The following SDCCAG8 variants were observed in gnomAD, a reference collection of about 807,000 sequenced individuals.
SDCCAG8 encodes serologically defined colon cancer antigen 8.
Under a neutral mutation model 101.8 loss-of-function variants are expected in SDCCAG8, and 74 were observed. The observed-to-expected ratio is 0.73, with a 90% confidence interval of 0.60 to 0.88. The LOEUF is 0.88. Among genes scored for constraint, SDCCAG8 ranks in the 40% least tolerant of loss-of-function variants. The probability of loss-of-function intolerance (pLI) is 0.00; values close to 1 mark genes in which losing one functional copy is unlikely to be tolerated. For missense variants in SDCCAG8, 787 were observed against 822.6 expected, an observed-to-expected ratio of 0.96 and a Z score of 0.53; for synonymous variants, 281 against 292.9, an observed-to-expected ratio of 0.96 and a Z score of 0.41.
At chr1:243,435,159 T>C (rs573230740) in intron 16 of SDCCAG8, among the ~76,000 whole-genome samples, 1 of 152,342 alleles carries the variant, frequency 6.6e-6, no homozygotes, top group African/African-American at 2.4e-5. Flanking sequence ...TAGTCCTTTG[T>C]TTTTAAGACC....
intron 2 of SDCCAG8, 29 bp from the exon 3 acceptor site, chr1:243,270,949 T>C: frequency 1.3e-6 from 2 of 1,536,662 alleles, no homozygotes; most frequent in Non-Finnish European, 1.8e-6. Context: ...TCAAATAAGG[T>C]TAATAAACCC....
At chr1:243,299,744 C>A (rs540167982) in intron 6 of SDCCAG8, among the ~76,000 whole-genome samples, 95 of 151,644 alleles carry the variant, frequency 6.3e-4, no homozygotes, top group African/African-American at 2.2e-3. Flanking sequence ...GTATCTAGAC[C>A]ACTGACATTT....
At chr1:243,298,205 T>A (rs887727852) in intron 6 of SDCCAG8, among the ~76,000 whole-genome samples, 2 of 152,030 alleles carry the variant, frequency 1.3e-5, no homozygotes, top group South Asian at 2.1e-4. Context: ...CATGCCACCA[T>A]GCCCAGCTAA....
At chr1:243,495,360 C>T (rs1377311295) in intron 17 of SDCCAG8, among the ~76,000 whole-genome samples, 1 of 152,326 alleles carries the variant, frequency 6.6e-6, no homozygotes, top group African/African-American at 2.4e-5. Flanking sequence ...CTGGTTTCTG[C>T]GGCCCTGTTC....
intron 12 of SDCCAG8, among the ~76,000 whole-genome samples, chr1:243,368,558 A>T (rs1428445914): frequency 1.3e-5 from 2 of 152,188 alleles, no homozygotes; most frequent in Non-Finnish European, 2.9e-5. Context: ...CTTGTGATAC[A>T]GCTCTGAACA....
chr1:243,435,691 C>T (rs12049124), intron 16 of SDCCAG8, among the ~76,000 whole-genome samples: 33,368 of 151,884 alleles, frequency 0.22, 4,313 homozygotes, highest in African/African-American at 0.36. Flanking sequence ...TTTTGGACCA[C>T]GACTTGGGAT....
chr1:243,328,570 C>G (rs2074378284), intron 9 of SDCCAG8, among the ~76,000 whole-genome samples: 2 of 151,778 alleles, frequency 1.3e-5, no homozygotes, highest in Non-Finnish European at 2.9e-5. Flanking sequence ...AGCCACCACG[C>G]CCAGCCAATA....
intron 16 of SDCCAG8, among the ~76,000 whole-genome samples, chr1:243,444,573 T>C (rs1419757951): frequency 1.3e-5 from 2 of 152,130 alleles, no homozygotes; most frequent in Admixed American, 1.3e-4. Flanking sequence ...GGTTTCACCA[T>C]GTTGCCCAGG....
chr1:243,486,444 G>A (rs1051364768), intron 16 of SDCCAG8, among the ~76,000 whole-genome samples: 8 of 152,078 alleles, frequency 5.3e-5, no homozygotes, highest in Non-Finnish European at 1.0e-4. Context: ...TTGATTCAGC[G>A]GGGTCTGGGT....
intron 1 of SDCCAG8, 28 bp downstream of exon 1, chr1:243,256,268 G>A (rs1038413341): frequency 5.0e-6 from 8 of 1,601,484 alleles, no homozygotes; most frequent in African/African-American, 1.3e-5. Flanking sequence ...TCTGTCCCTA[G>A]CCCCGAGGTG....
rs967081852 is a variant in SDCCAG8, at chr1:243,438,020, T to A, written c.1985+11462T>A. Among the ~76,000 whole-genome samples the A allele has an allele frequency of 2.6e-5, 4 of 152,308 alleles. No individual in the cohort carries two copies. The East Asian group carries it at 7.7e-4, about 29-fold the overall frequency. Reference sequence around the variant, plus strand: ...CAGTGGGCCTTTTTCCTGAGAAGGTTTCTTGCCCCTCCCCCGGGAGCTTGA... The same window carrying A: ...CAGTGGGCCTTTTTCCTGAGAAGGTATCTTGCCCCTCCCCCGGGAGCTTGA... On this transcript the variant is annotated intron_variant, in intron 16 of 17. Transcript: ENST00000366541.
chr1:243,483,674 C>G (rs1664233018), intron 16 of SDCCAG8, among the ~76,000 whole-genome samples: 1 of 152,208 alleles, frequency 6.6e-6, no homozygotes, highest in Non-Finnish European at 1.5e-5. Flanking sequence ...GCAGGGCGCT[C>G]CGCCACCAGG....
chr1:243,457,237 G>A (rs749812950), intron 16 of SDCCAG8, among the ~76,000 whole-genome samples: 6 of 152,058 alleles, frequency 3.9e-5, no homozygotes, highest in Non-Finnish European at 8.8e-5. Flanking sequence ...TGTCTATTCT[G>A]TTGATCCTGA....
Position 243,271,067 on chromosome 1 carries a change from A to G in SDCCAG8, c.306+4A>G, listed in dbSNP as rs2068042815. 2 of 1,592,054 alleles carry G rather than the reference A, an allele frequency of 1.3e-6. No individual in the cohort carries two copies. Among genetic ancestry groups the G allele is most frequent in the East Asian group, 2.2e-5 (1 of 44,716 alleles). On this transcript the variant is annotated splice_donor_region_variant and intron_variant, in intron 3 of 17. Transcript: ENST00000366541. ...AAGAAGAAAAATGTCCCCCTTGGTA[A>G]GTATCAACTTTTCCAAGTTGACAAA...
chr1:243,281,211 T>G (rs1203308810), intron 4 of SDCCAG8, among the ~76,000 whole-genome samples: 1 of 152,180 alleles, frequency 6.6e-6, no homozygotes, highest in Non-Finnish European at 1.5e-5. Context: ...TATTGATTAG[T>G]GTTAACATGA....
Position 243,341,020 on chromosome 1 carries a change from C to CT in SDCCAG8, c.1222-15dup. The CT allele has an allele frequency of 6.2e-7, 1 of 1,611,240 alleles. No individual in the cohort carries two copies. Reference sequence around the variant, plus strand: ...TGTCAAATGACATTATTGTTTAGGACTTTTATTTTCCCTTACAGATGTTGA... The same window carrying CT: ...TGTCAAATGACATTATTGTTTAGGACTTTTTATTTTCCCTTACAGATGTTGA... On this transcript the variant is annotated intron_variant, in intron 10 of 17. Transcript: ENST00000366541.
chr1:243,330,715 T>C (rs1486929920), intron 10 of SDCCAG8, 23 bp downstream of exon 10: 3 of 1,613,516 alleles, frequency 1.9e-6, no homozygotes, highest in African/African-American at 1.3e-5. Flanking sequence ...TCTGCTGTTA[T>C]CCACATTGCA....
intron 9 of SDCCAG8, among the ~76,000 whole-genome samples, chr1:243,323,708 CTGTAGCCTGATTTTA>C (rs2073938355): frequency 6.6e-6 from 1 of 152,188 alleles, no homozygotes; most frequent in Non-Finnish European, 1.5e-5. Context: ...TTTGAACAAA[CTGTAGCCTGATTTTA>C]TGTTACTGAA....
At chr1:243,274,390 CT>C (rs1251005158) in intron 3 of SDCCAG8, among the ~76,000 whole-genome samples, 152 bp from the exon 4 acceptor site, 2 of 152,178 alleles carry the variant, frequency 1.3e-5, no homozygotes, top group Non-Finnish European at 2.9e-5. Context: ...AGACTATAAG[CT>C]ACATTGTGAT....
Sources: gnomAD v4.1 joint callset for allele counts (sites outside exome capture counted in the v4.1 genomes callset) on GRCh38, gnomAD v4.1.1 for gene constraint, MANE v1.5 for transcripts, NCBI Gene and HGNC (gene_info 2026-07-23, HGNC 2026-07-21) for gene names.